The following TUSC3 variants were observed in gnomAD, a reference collection of about 807,000 sequenced individuals.
TUSC3 encodes the protein tumor suppressor candidate 3.
TUSC3 carries 45 observed loss-of-function variants against 44.8 expected under a neutral mutation model. The ratio of observed to expected loss-of-function variants is 1.00; its 90% CI spans 0.79 to 1.29. The LOEUF (loss-of-function observed/expected upper bound fraction) is 1.29. TUSC3 is among the 50% of genes most tolerant of loss of function. The pLI is 0.00. For missense variants in TUSC3, 519 were observed against 437.9 expected, an observed-to-expected ratio of 1.19 and a Z score of -1.65; for synonymous variants, 212 against 152.9, an observed-to-expected ratio of 1.39 and a Z score of -2.85.
At chr8:15,452,157 T>TGTGAGAAAAACATGTAAA (rs1800203208) in intron 1 of TUSC3, among the ~76,000 whole-genome samples, 1 of 152,216 alleles carries the variant, frequency 6.6e-6, no homozygotes, top group South Asian at 2.1e-4. Context: ...GAGTGTTATG[T>TGTGAGAAAAACATGTAAA]GTGAGAAAAA....
At chr8:15,754,344 GA>G (rs1563206962) in intron 9 of TUSC3, among the ~76,000 whole-genome samples, 5 of 151,838 alleles carry the variant, frequency 3.3e-5, no homozygotes, top group Non-Finnish European at 7.4e-5. Context: ...TAAATACATT[GA>G]AGTAGGCTGA....
chr8:15,785,294 C>G, the TUSC3 span, among the ~76,000 whole-genome samples: 1 of 151,850 alleles, frequency 6.6e-6, no homozygotes, highest in Non-Finnish European at 1.5e-5. Flanking sequence ...ATCTTCTTCA[C>G]TTTTGTAACT....
chr8:15,628,903 G>A (rs1022867143), intron 2 of TUSC3, among the ~76,000 whole-genome samples: 1 of 152,280 alleles, frequency 6.6e-6, no homozygotes, highest in Admixed American at 6.5e-5. Context: ...GAGAGAATAT[G>A]GGAAATATGT....
chr8:15,470,261 A>G (rs1585056716), intron 1 of TUSC3, among the ~76,000 whole-genome samples: 1 of 149,660 alleles, frequency 6.7e-6, no homozygotes, highest in South Asian at 2.1e-4. Context: ...CCTGTCTCAA[A>G]AAAAAAAAAA....
At chr8:15,586,200 G>T (rs1291981443) in intron 1 of TUSC3, among the ~76,000 whole-genome samples, 3 of 152,182 alleles carry the variant, frequency 2.0e-5, no homozygotes, top group Non-Finnish European at 2.9e-5. Flanking sequence ...AACAATTTAA[G>T]TCAGTAGTGA....
At chr8:15,628,768 G>A (rs943991334) in intron 2 of TUSC3, among the ~76,000 whole-genome samples, 1 of 152,214 alleles carries the variant, frequency 6.6e-6, no homozygotes, top group South Asian at 2.1e-4. Flanking sequence ...TGAAGAGTCT[G>A]TAGAATTAAA....
rs531335057 is a variant in TUSC3, at chr8:15,426,136, G to A, written n.91+8831G>A. Among the ~76,000 whole-genome samples the A allele has an allele frequency of 1.2e-4, 18 of 152,318 alleles. No individual in the cohort carries two copies. The South Asian group carries it at 3.5e-3, about 30-fold the overall frequency. On this transcript the variant is annotated intron_variant and non_coding_transcript_variant, in intron 1 of 5. Transcript: ENST00000503191. ...CTGCATATATTTAAAGTGTACATTT[G>A]ATGAGTTTGATATGCAAACATTTGT...
chr8:15,687,413 C>T (rs1163041266), intron 6 of TUSC3, among the ~76,000 whole-genome samples: 1 of 152,142 alleles, frequency 6.6e-6, no homozygotes, highest in Non-Finnish European at 1.5e-5. Flanking sequence ...ATGGCTGTGA[C>T]ACTGCATCTG....
intron 1 of TUSC3, among the ~76,000 whole-genome samples, chr8:15,619,762 G>A (rs1413809518): frequency 6.6e-6 from 1 of 151,956 alleles, no homozygotes; most frequent in Non-Finnish European, 1.5e-5. Flanking sequence ...TGCCTGCCTC[G>A]GCCTCCCAAA....
the TUSC3 span, among the ~76,000 whole-genome samples, chr8:15,835,908 A>C: frequency 6.6e-6 from 1 of 152,084 alleles, no homozygotes; most frequent in African/African-American, 2.4e-5. Flanking sequence ...TTCTTCTTAC[A>C]TTCAAAGATT....
chr8:15,589,647 T>G (rs535822219), intron 1 of TUSC3, among the ~76,000 whole-genome samples: 1 of 152,282 alleles, frequency 6.6e-6, no homozygotes, highest in East Asian at 1.9e-4. Context: ...CTATATTAAT[T>G]AGGTTCTTAA....
the TUSC3 span, among the ~76,000 whole-genome samples, chr8:15,833,999 T>C: frequency 6.6e-6 from 1 of 152,168 alleles, no homozygotes; most frequent in Non-Finnish European, 1.5e-5. Flanking sequence ...AATTTATTTC[T>C]ACACATTCTT....
the TUSC3 span, among the ~76,000 whole-genome samples, chr8:15,851,078 G>C: frequency 6.6e-6 from 1 of 152,162 alleles, no homozygotes; most frequent in Non-Finnish European, 1.5e-5. Flanking sequence ...TGGACGACGC[G>C]ACGCTTTTCG....
intron 1 of TUSC3, among the ~76,000 whole-genome samples, chr8:15,587,623 G>C (rs1427544267): frequency 6.6e-6 from 1 of 151,974 alleles, no homozygotes; most frequent in African/African-American, 2.4e-5. Context: ...GTAATTTATT[G>C]TTAACTGTAT....
At chr8:15,789,321 A>C in the TUSC3 span, among the ~76,000 whole-genome samples, 1 of 152,196 alleles carries the variant, frequency 6.6e-6, no homozygotes, top group Admixed American at 6.5e-5. Context: ...AAGAGCAGCC[A>C]AGCCTCCAGT....
At chr8:15,637,598 G>T (rs1414644665) in intron 2 of TUSC3, among the ~76,000 whole-genome samples, 1 of 151,840 alleles carries the variant, frequency 6.6e-6, no homozygotes, top group Non-Finnish European at 1.5e-5. Flanking sequence ...TATTCTTTCT[G>T]ATTTATTTTT....
At chr8:15,505,794 C>T (rs762471845) in intron 2 of TUSC3, among the ~76,000 whole-genome samples, 2 of 151,994 alleles carry the variant, frequency 1.3e-5, no homozygotes, top group African/African-American at 4.8e-5. Flanking sequence ...ACAGAGTAAG[C>T]GACAATTCCT....
chr8:15,634,599 A>G (rs142788672), intron 2 of TUSC3, among the ~76,000 whole-genome samples: 6 of 152,348 alleles, frequency 3.9e-5, no homozygotes, highest in African/African-American at 1.4e-4. Flanking sequence ...TGGCAGATCC[A>G]GCAGTTGATG....
chr8:15,655,021 G>A (rs1222188184), intron 3 of TUSC3, among the ~76,000 whole-genome samples: 2 of 152,062 alleles, frequency 1.3e-5, no homozygotes, highest in African/African-American at 4.8e-5. Flanking sequence ...TAAAACTGTT[G>A]GGAAGATTAA....
Sources: gnomAD v4.1 joint callset for allele counts (sites outside exome capture counted in the v4.1 genomes callset) on GRCh38, gnomAD v4.1.1 for gene constraint, MANE v1.5 for transcripts, NCBI Gene and HGNC (gene_info 2026-07-23, HGNC 2026-07-21) for gene names.